The following ERICH6 variants were observed in gnomAD, a reference collection of about 807,000 sequenced individuals.
ERICH6 encodes the protein glutamate-rich protein 6.
A neutral mutation model predicts 71.0 loss-of-function variants in ERICH6; 71 were observed. The observed-to-expected ratio is 1.00, with a 90% CI of 0.83 to 1.22. ERICH6 has a LOEUF of 1.22. Ranked by LOEUF, ERICH6 falls within the 50% of genes most tolerant of loss-of-function variation. The pLI is 0.00. For missense variants in ERICH6, 808 were observed against 797.2 expected (o/e 1.01, Z -0.16); for synonymous variants, 262 against 278.4 (o/e 0.94, Z 0.59).
intron 1 of ERICH6, 92 bp from the exon 2 acceptor site, chr3:150,702,270 CTTT>C (rs63679260): frequency 0.02 from 3,282 of 162,494 alleles, 1 homozygote; most frequent in Middle Eastern, 0.049. Context: ...TGTCTGGAGA[CTTT>C]TTTTTTTTTT....
chr3:150,696,952 A>G (rs1433055390), intron 3 of ERICH6, among the ~76,000 whole-genome samples: 1 of 152,312 alleles, frequency 6.6e-6, no homozygotes, highest in Non-Finnish European at 1.5e-5. Flanking sequence ...CACAAAGAGG[A>G]GGCGGCTTAC....
chr3:150,665,107 T>A (rs946081491), intron 13 of ERICH6, among the ~76,000 whole-genome samples: 5 of 152,128 alleles, frequency 3.3e-5, no homozygotes, highest in Admixed American at 2.0e-4. Flanking sequence ...GAGGGGATAC[T>A]GCAGATTTCT....
intron 3 of ERICH6, among the ~76,000 whole-genome samples, chr3:150,689,226 T>C (rs1283524653): frequency 7.9e-6 from 1 of 126,176 alleles, no homozygotes; most frequent in Non-Finnish European, 1.9e-5. Context: ...TGCTTCCAAC[T>C]CAAGGAAGTC....
chr3:150,665,911 A>C (rs900054570), intron 13 of ERICH6, among the ~76,000 whole-genome samples: 1 of 151,416 alleles, frequency 6.6e-6, no homozygotes, highest in African/African-American at 2.4e-5. Flanking sequence ...TATATGTGTT[A>C]TTTATGTATA....
At chr3:150,697,531 A>G (rs1445209106) in intron 3 of ERICH6, among the ~76,000 whole-genome samples, 1 of 152,266 alleles carries the variant, frequency 6.6e-6, no homozygotes, top group Middle Eastern at 3.4e-3. Context: ...TCCACATGCT[A>G]GATCTAGTAG....
chr3:150,682,777 T>G (rs1002645599), intron 6 of ERICH6, among the ~76,000 whole-genome samples: 5 of 152,218 alleles, frequency 3.3e-5, no homozygotes, highest in African/African-American at 1.2e-4. Flanking sequence ...GACATTACTG[T>G]GTAGGCCAAC....
Position 150,694,049 on chromosome 3 carries a change from G to A in ERICH6, c.553+4742C>T, listed in dbSNP as rs185315362. On this transcript the variant is annotated intron_variant, in intron 3 of 13. Coordinates refer to ENST00000295910, the MANE Select transcript of ERICH6 (RefSeq NM_152394.5). ...TGCCTAGTGATGTATGGACTTCAGAGTAATGTGGCCTATAGCAGTTTTCCA... is the reference window on the plus strand; with the variant it reads ...TGCCTAGTGATGTATGGACTTCAGAATAATGTGGCCTATAGCAGTTTTCCA... Among the ~76,000 whole-genome samples the A allele has an allele frequency of 1.8e-4, 27 of 152,264 alleles. No homozygotes were observed. The East Asian group carries it at 4.4e-3, about 25-fold the overall frequency.
chr3:150,682,320 CAG>C lies in ERICH6; in HGVS notation c.784-6_784-5del, dbSNP rs1268133503. On this transcript the variant is annotated splice_polypyrimidine_tract_variant and splice_region_variant and intron_variant, in intron 6 of 13. Transcript: ENST00000295910. ...GTGATGTCTCCTCCTCTTCATCCTT[CAG>C]AGAGAGAGGAAAAAAATTAAAGAAG... 1.9e-6 allele frequency: 3 copies of C among 1,609,624 alleles called. No individual in the cohort carries two copies. Among genetic ancestry groups the C allele is most frequent in the South Asian group, 2.2e-5 (2 of 90,878 alleles).
At chr3:150,665,868 T>TA (rs1727396963) in intron 13 of ERICH6, among the ~76,000 whole-genome samples, 1 of 151,804 alleles carries the variant, frequency 6.6e-6, no homozygotes, top group Admixed American at 6.6e-5. Flanking sequence ...CAAAGGTCCT[T>TA]AAAGTTTAAG....
chr3:150,700,009 G>A (rs539521795), intron 2 of ERICH6, among the ~76,000 whole-genome samples: 18 of 152,230 alleles, frequency 1.2e-4, no homozygotes, highest in South Asian at 2.1e-4. Context: ...AGAATGGTCT[G>A]AGGATAAGAC....
intron 3 of ERICH6, among the ~76,000 whole-genome samples, chr3:150,689,887 G>T (rs1712354452): frequency 6.6e-6 from 1 of 152,150 alleles, no homozygotes; most frequent in South Asian, 2.1e-4. Context: ...GACAAGTTCA[G>T]CTCAGCTTTT....
At chr3:150,685,236 G>A (rs541417529) in intron 6 of ERICH6, among the ~76,000 whole-genome samples, 14 of 152,232 alleles carry the variant, frequency 9.2e-5, no homozygotes, top group African/African-American at 3.4e-4. Flanking sequence ...ACCTTATTGA[G>A]AAATACAGTC....
In ERICH6 at chr3:150,677,565, C is replaced by A. The variant is rs572178529; in HGVS notation, c.1257+844G>T. 7.2e-5 allele frequency among the ~76,000 whole-genome samples: 11 copies of A among 151,784 alleles called. No homozygotes were observed. In the South Asian group the frequency reaches 2.1e-3, roughly 29 times the overall value. On this transcript the variant is annotated intron_variant, in intron 10 of 13. Coordinates refer to ENST00000295910, the MANE Select transcript of ERICH6 (RefSeq NM_152394.5). Reference sequence around the variant, plus strand: ...AGGCTGGAGTGCAGTGGCACAATCTCGGTTCACTGCAACCTCCACCCCCAG... The same window carrying A: ...AGGCTGGAGTGCAGTGGCACAATCTAGGTTCACTGCAACCTCCACCCCCAG...
chr3:150,683,593 A>G (rs563025144), intron 6 of ERICH6, among the ~76,000 whole-genome samples: 2 of 152,224 alleles, frequency 1.3e-5, no homozygotes, highest in East Asian at 3.9e-4. Context: ...GTCTCTGCTA[A>G]AAATTCAAAA....
Position 150,663,070 on chromosome 3 carries a change from G to C in ERICH6, c.1729-2915C>G, listed in dbSNP as rs73869260. On this transcript the variant is annotated intron_variant, in intron 13 of 13. Transcript: ENST00000295910. Reference sequence around the variant, plus strand: ...CTTTATAGGGCCTTGGCTTTTACTCGAGTAAAATTAGAAGTCCCCGGAGAG... The same window carrying C: ...CTTTATAGGGCCTTGGCTTTTACTCCAGTAAAATTAGAAGTCCCCGGAGAG... Among the ~76,000 whole-genome samples the C allele has an allele frequency of 8.7e-3, 1,325 of 152,256 alleles. 16 individuals are homozygous for C. Among genetic ancestry groups the C allele is most frequent in the African/African-American group, 0.03 (1,246 of 41,546 alleles).
At chr3:150,672,592 A>AAAAC (rs1165168218) in intron 11 of ERICH6, among the ~76,000 whole-genome samples, 1 of 151,884 alleles carries the variant, frequency 6.6e-6, no homozygotes, top group Non-Finnish European at 1.5e-5. Flanking sequence ...TATGTCTCAA[A>AAAAC]AAACAAACAA....
chr3:150,670,013 G>GT (rs1210058731), intron 11 of ERICH6, among the ~76,000 whole-genome samples: 1 of 151,970 alleles, frequency 6.6e-6, no homozygotes, highest in Non-Finnish European at 1.5e-5. Flanking sequence ...GGGCAATATG[G>GT]TAAGACCCTG....
At chr3:150,685,126 T>A (rs961754565) in intron 6 of ERICH6, among the ~76,000 whole-genome samples, 1 of 152,230 alleles carries the variant, frequency 6.6e-6, no homozygotes, top group Admixed American at 6.5e-5. Context: ...TGAGCCACCG[T>A]GTCTGGCCTG....
At chr3:150,668,653 AC>A (rs1305760953) in intron 12 of ERICH6, among the ~76,000 whole-genome samples, 1 of 152,228 alleles carries the variant, frequency 6.6e-6, no homozygotes, top group Non-Finnish European at 1.5e-5. Context: ...AGATTGTTAT[AC>A]CTGTATATAA....
Sources: allele counts gnomAD v4.1 joint callset (sites outside exome capture counted in the v4.1 genomes callset), GRCh38; gene constraint gnomAD v4.1.1; transcripts MANE v1.5; gene names NCBI Gene and HGNC (gene_info 2026-07-23, HGNC 2026-07-21).